MEIS3: variants seen among roughly 807,000 people sequenced by gnomAD.
The protein encoded by MEIS3 is Meis homeobox 3.
A neutral mutation model predicts 51.4 loss-of-function variants in MEIS3; 38 were observed. The ratio of observed to expected loss-of-function variants is 0.74; its 90% CI spans 0.57 to 0.97. The LOEUF is 0.97. Among genes scored for constraint, MEIS3 ranks in the 50% least tolerant of loss-of-function variants. The pLI is 0.00. For missense variants in MEIS3, 456 were observed against 502.6 expected (o/e 0.91, Z 0.89); for synonymous variants, 198 against 201.8 (o/e 0.98, Z 0.16).
intron 1 of MEIS3, 75 bp downstream of exon 1, chr19:47,418,995 C>A: frequency 9.7e-7 from 1 of 1,034,490 alleles, no homozygotes; most frequent in Non-Finnish European, 1.2e-6. Flanking sequence ...TGGGGGCCAG[C>A]GCCGGAGAGT....
At chr19:47,416,569 C>A (rs554746076) in intron 4 of MEIS3, 83 bp downstream of exon 4, 3 of 1,087,222 alleles carry the variant, frequency 2.8e-6, no homozygotes, top group East Asian at 2.8e-5. Context: ...TCTCTCTGCA[C>A]CCCCCCCACC....
chr19:47,417,923 C>CACACACACATG, intron 1 of MEIS3: 2 of 553,364 alleles, frequency 3.6e-6, no homozygotes, highest in Non-Finnish European at 3.2e-6. Context: ...ATCCCCCCCC[C>CACACACACATG]CACACACACA....
At chr19:47,407,228 G>T (rs1259744735) in intron 9 of MEIS3, 91 bp from the exon 10 acceptor site, 5 of 1,493,442 alleles carry the variant, frequency 3.3e-6, no homozygotes, top group Non-Finnish European at 4.5e-6. Flanking sequence ...GGACAGCGGC[G>T]GGGGAGGCAG....
Position 47,408,802 on chromosome 19 carries a change from T to C in MEIS3, c.858+297A>G, listed in dbSNP as rs140518582. On this transcript the variant is annotated intron_variant, in intron 8 of 12. Transcript: ENST00000558555. ...CTCACCTGTTAAATGGAGATAATAG[T>C]AGCCCCTCCCTCCGAGGGTACACTG... Among the ~76,000 whole-genome samples, 283 of 152,156 alleles carry C rather than the reference T, an allele frequency of 1.9e-3. 1 individual carries two copies. Among genetic ancestry groups the C allele is most frequent in the African/African-American group, 6.4e-3 (264 of 41,520 alleles).
In MEIS3 at chr19:47,406,633, T is replaced by C. The variant is rs1475281394; in HGVS notation, c.1079-107A>G. On this transcript the variant is annotated intron_variant, in intron 11 of 12. Coordinates refer to ENST00000558555, the MANE Select transcript of MEIS3 (RefSeq NM_001301059.2). ...ACACCAGGGGATCCCTCTACCAGGATAGACTGAGTCATAAGAAGGTGCTGG... is the reference window on the plus strand; with the variant it reads ...ACACCAGGGGATCCCTCTACCAGGACAGACTGAGTCATAAGAAGGTGCTGG... 9.5e-5 allele frequency: 108 copies of C among 1,141,326 alleles called. 1 individual carries two copies. In the South Asian group the frequency reaches 1.0e-3, roughly 11 times the overall value. 70.7% of individuals were successfully genotyped at this position (1,141,326 alleles called of 1,614,324 possible). A position where few individuals can be genotyped will look rare whatever the true frequency, so the allele number is the denominator to read the frequency against.
At chr19:47,406,153 G>A in intron 12 of MEIS3, 1 of 282,766 alleles carries the variant, frequency 3.5e-6, no homozygotes, top group Non-Finnish European at 6.7e-6. Flanking sequence ...TAATGAGTGG[G>A]TAGGTGGGTG....
At chr19:47,406,265 G>C (rs989222249) in intron 12 of MEIS3, 195 bp downstream of exon 12, 5 of 521,926 alleles carry the variant, frequency 9.6e-6, no homozygotes, top group East Asian at 6.3e-5. Flanking sequence ...TGGATACATG[G>C]AGGAGGAGGA....
Position 47,416,954 on chromosome 19 carries a change from G to A in MEIS3, c.195C>T (p.Leu65=), listed in dbSNP as rs1971456221. Residue 65 remains leucine (L), a synonymous_variant, in exon 3 of 13, where the codon CTC becomes CTT. Transcript: ENST00000558555. ...CAAAGACCAGGGCCAAGAGGGGGAAGAGCGGGTGTCTGGGGAGGCAGGAAA... is the reference window on the plus strand; with the variant it reads ...CAAAGACCAGGGCCAAGAGGGGGAAAAGCGGGTGTCTGGGGAGGCAGGAAA... ...REKDEIYGHP[L]FPLLALVFEK... is the part of the protein sequence containing the mutation. The A allele has an allele frequency of 1.3e-6, 2 of 1,586,834 alleles. No individual in the cohort carries two copies.
At chr19:47,411,982 T>C (rs1971157315) in intron 6 of MEIS3, among the ~76,000 whole-genome samples, 1 of 152,042 alleles carries the variant, frequency 6.6e-6, no homozygotes, top group African/African-American at 2.4e-5. Flanking sequence ...TAGCTGGAAC[T>C]ACAGTTGCGC....
chr19:47,406,588 A>G, intron 11 of MEIS3, 62 bp from the exon 12 acceptor site: 1 of 1,501,142 alleles, frequency 6.7e-7, no homozygotes, highest in Non-Finnish European at 9.3e-7. Flanking sequence ...GATGCCTCTA[A>G]GTCTCCCTCA....
At position 47,419,057 on chromosome 19, in the gene MEIS3, C is replaced by T. The variant is rs1971602206; in HGVS notation, c.12+13G>A. 1 of 1,247,712 alleles carries T rather than the reference C, an allele frequency of 8.0e-7. No individual in the cohort carries two copies. Among genetic ancestry groups the T allele is most frequent in the Non-Finnish European group, 1.0e-6 (1 of 997,140 alleles). 77.3% of individuals were successfully genotyped at this position (1,247,712 alleles called of 1,614,324 possible). ...AAGCGGCCGGGACGCGGGGTCCCCGCCCCGAGACCTACCCTCCGGGCCATG... is the reference window on the plus strand; with the variant it reads ...AAGCGGCCGGGACGCGGGGTCCCCGTCCCGAGACCTACCCTCCGGGCCATG... On this transcript the variant is annotated intron_variant, in intron 1 of 12. Coordinates refer to ENST00000558555, the MANE Select transcript of MEIS3 (RefSeq NM_001301059.2).
intron 8 of MEIS3, 59 bp from the exon 9 acceptor site, chr19:47,407,487 G>A (rs1371329044): frequency 6.2e-7 from 1 of 1,612,890 alleles, no homozygotes; most frequent in Non-Finnish European, 8.5e-7. Context: ...TGAACCCCAA[G>A]GTCTGGCCCA....
At chr19:47,408,972 TGA>T in intron 8 of MEIS3, 125 bp downstream of exon 8, 2 of 1,086,472 alleles carry the variant, frequency 1.8e-6, no homozygotes, top group Non-Finnish European at 2.7e-6. Flanking sequence ...TCCACCTCCA[TGA>T]GAGTCTCGAA....
intron 8 of MEIS3, among the ~76,000 whole-genome samples, chr19:47,408,625 C>G (rs549937065): frequency 1.3e-5 from 2 of 152,208 alleles, no homozygotes; most frequent in South Asian, 2.1e-4. Flanking sequence ...CTCTGTGTCT[C>G]TCTGTTTTAG....
At chr19:47,417,518 T>G in intron 1 of MEIS3, 168 bp from the exon 2 acceptor site, 3 of 822,812 alleles carry the variant, frequency 3.6e-6, no homozygotes, top group Non-Finnish European at 6.1e-6. Flanking sequence ...GCCCTCCAGG[T>G]CCCCTGGAGC....
In MEIS3 at chr19:47,406,880, A is replaced by G; in HGVS notation, c.1078+8T>C. Reference sequence around the variant, plus strand: ...GGGGCGGGGCCTAGCTAAGGGGGCGAGGCTTACCCGGAGGCCGGACGGCCA... The same window carrying G: ...GGGGCGGGGCCTAGCTAAGGGGGCGGGGCTTACCCGGAGGCCGGACGGCCA... On this transcript the variant is annotated splice_region_variant and intron_variant, in intron 11 of 12. Coordinates refer to ENST00000558555, the MANE Select transcript of MEIS3 (RefSeq NM_001301059.2). 1 of 1,565,188 alleles carries G rather than the reference A, an allele frequency of 6.4e-7. No homozygotes were observed. Among genetic ancestry groups the G allele is most frequent in the Non-Finnish European group, 8.6e-7 (1 of 1,158,296 alleles).
chr19:47,417,545 G>T, intron 1 of MEIS3, 195 bp from the exon 2 acceptor site: 1 of 723,448 alleles, frequency 1.4e-6, no homozygotes. Context: ...GGTGGGGAGT[G>T]AGGACCCCGT....
At chr19:47,417,759 C>T (rs764576368) in intron 1 of MEIS3, 48 of 651,066 alleles carry the variant, frequency 7.4e-5, no homozygotes, top group African/African-American at 7.2e-4. Context: ...CGAAGCCTCC[C>T]TGTCTTCTAT....
upstream of MEIS3, among the ~76,000 whole-genome samples, chr19:47,420,416 T>C (rs1186902298): frequency 2.8e-5 from 3 of 107,526 alleles, no homozygotes; most frequent in African/African-American, 1.1e-4. Flanking sequence ...TGACGGCCAG[T>C]GGTGGGGGGC....
Sources: allele counts gnomAD v4.1 joint callset (sites outside exome capture counted in the v4.1 genomes callset), GRCh38; gene constraint gnomAD v4.1.1; transcripts MANE v1.5; gene names NCBI Gene and HGNC (gene_info 2026-07-23, HGNC 2026-07-21).